The following NUP210 variants were observed in gnomAD, a reference collection of about 807,000 sequenced individuals.
NUP210 encodes the protein nuclear pore membrane glycoprotein 210.
A neutral mutation model predicts 196.0 loss-of-function variants in NUP210; 151 were observed. The ratio of observed to expected loss-of-function variants is 0.77; its 90% CI spans 0.67 to 0.88. NUP210 has a LOEUF of 0.88. Among genes scored for constraint, NUP210 ranks in the 40% least tolerant of loss-of-function variants. The pLI is 0.00. For synonymous variants in NUP210, 1,070 were observed against 1,052.7 expected, an observed-to-expected ratio of 1.02 and a Z score of -0.32; for missense variants, 2,314 against 2,493.7, an observed-to-expected ratio of 0.93 and a Z score of 1.53.
At chr3:13,331,800 T>C (rs1697006734) in intron 29 of NUP210, among the ~76,000 whole-genome samples, 1 of 152,038 alleles carries the variant, frequency 6.6e-6, no homozygotes, top group African/African-American at 2.4e-5. Context: ...GAATCAAAGG[T>C]AGGAATTAGG....
rs1411474068 is a variant in NUP210, at chr3:13,378,915, G to C, written c.1042C>G (p.Leu348Val). The C allele has an allele frequency of 8.7e-6, 14 of 1,612,474 alleles. No homozygotes were observed. The highest frequency in any genetic ancestry group is 7.6e-6 in the Non-Finnish European group (9 of 1,178,602). ...STIYVVEPGY[L>V]GFTVHPGDRW... Reference sequence around the variant, plus strand: ...GGCCCAGGAGGCCCACACTCACCTAGGTATCCAGGTTCGACCACGTAGATA... The same window carrying C: ...GGCCCAGGAGGCCCACACTCACCTACGTATCCAGGTTCGACCACGTAGATA... Residue 348 changes from leucine to valine, a missense_variant, in exon 8 of 40, where the codon CTA (leucine) becomes GTA (valine). Coordinates refer to ENST00000254508, the MANE Select transcript of NUP210 (RefSeq NM_024923.4).
At chr3:13,382,869 G>C (rs2124925953) in intron 6 of NUP210, among the ~76,000 whole-genome samples, 1 of 152,324 alleles carries the variant, frequency 6.6e-6, no homozygotes, top group Admixed American at 6.5e-5. Context: ...GCTAGGCTGA[G>C]CATGGCAACT....
chr3:13,403,743 T>C (rs1699916425), intron 1 of NUP210, among the ~76,000 whole-genome samples: 1 of 152,078 alleles, frequency 6.6e-6, no homozygotes, highest in South Asian at 2.1e-4. Context: ...CTCTCAGCAC[T>C]GACGACAGAG....
chr3:13,328,407 C>T (rs1264431378), intron 31 of NUP210, among the ~76,000 whole-genome samples: 1 of 152,252 alleles, frequency 6.6e-6, no homozygotes, highest in African/African-American at 2.4e-5. Flanking sequence ...AGGCAACACC[C>T]CTGACACCTG....
intron 3 of NUP210, among the ~76,000 whole-genome samples, chr3:13,392,256 T>A (rs1401017691): frequency 6.6e-6 from 1 of 152,180 alleles, no homozygotes; most frequent in East Asian, 1.9e-4. Context: ...AAAGACTGCA[T>A]GAAATAGTGC....
intron 3 of NUP210, among the ~76,000 whole-genome samples, chr3:13,392,597 C>T (rs531162245): frequency 2.6e-5 from 4 of 152,358 alleles, no homozygotes; most frequent in East Asian, 3.9e-4. Flanking sequence ...CTAGTCCAAC[C>T]CTTGGATGCT....
intron 1 of NUP210, among the ~76,000 whole-genome samples, chr3:13,406,735 G>A (rs1377570190): frequency 2.0e-5 from 3 of 152,138 alleles, no homozygotes; most frequent in Non-Finnish European, 4.4e-5. Context: ...CCTCTAAAAG[G>A]ACACTTGGTC....
At chr3:13,374,351 C>T (rs755322838) in intron 11 of NUP210, among the ~76,000 whole-genome samples, 40 of 152,182 alleles carry the variant, frequency 2.6e-4, no homozygotes, top group Admixed American at 7.2e-4. Context: ...CACATACATA[C>T]GTTCACACAT....
intron 3 of NUP210, among the ~76,000 whole-genome samples, chr3:13,396,759 T>TAAA (rs1353589362): frequency 2.6e-4 from 1 of 3,894 alleles, no homozygotes. Context: ...AGACTCTGTC[T>TAAA]CAAAAAAAAA....
chr3:13,317,728 C>T lies in NUP210; in HGVS notation c.5617G>A (p.Ala1873Thr), dbSNP rs770352103. 3 of 1,611,742 alleles carry T rather than the reference C, an allele frequency of 1.9e-6. No individual in the cohort carries two copies. The highest frequency in any genetic ancestry group is 1.7e-5 in the Admixed American group (1 of 59,768). The change falls in exon 40 of 40, where the codon GCC becomes ACC. Residue 1873 changes from alanine (A) to threonine (T), a missense_variant. Ala to Thr is a moderately conservative substitution (Grantham distance 58). Transcript: ENST00000254508. ...SPNALPPARK[A>T]SPPSGLWSPA... The stretch of plus-strand genomic sequence containing the variant: ...CTCCACAGCCCTGAGGGAGGGCTGG[C>T]TTTGCGAGCAGGAGGCAATGCATTG...
At chr3:13,356,730 G>A (rs1434147780) in intron 16 of NUP210, among the ~76,000 whole-genome samples, 1 of 152,222 alleles carries the variant, frequency 6.6e-6, no homozygotes, top group Non-Finnish European at 1.5e-5. Context: ...AGGAACCTGA[G>A]CACTGATGGA....
At chr3:13,319,456 A>C (rs1230974980) in intron 37 of NUP210, 131 bp from the exon 38 acceptor site, 2 of 799,548 alleles carry the variant, frequency 2.5e-6, no homozygotes, top group African/African-American at 3.4e-5. Flanking sequence ...GTGGTCTCAG[A>C]GGGCCAGGCC....
chr3:13,397,391 G>C lies in NUP210; in HGVS notation c.402C>G (p.Pro134=), dbSNP rs201917594. 31 of 1,612,082 alleles carry C rather than the reference G, an allele frequency of 1.9e-5. No individual in the cohort carries two copies. The highest frequency in any genetic ancestry group is 9.3e-5 in the African/African-American group (7 of 74,912). The part of the protein sequence containing the change: ...TTRELYLEDS[P]LELKIQALDS... ...CCAGGGCCTGGATCTTCAGCTCCAG[G>C]GGGGAGTCCTCCAGGTAGAGCTCGC... The change falls in exon 3 of 40, where the codon CCC becomes CCG. Residue 134 remains proline (P), a synonymous_variant. Transcript: ENST00000254508.
At chr3:13,382,554 GAA>G (rs891497001) in intron 6 of NUP210, among the ~76,000 whole-genome samples, 58 of 152,270 alleles carry the variant, frequency 3.8e-4, no homozygotes, top group Middle Eastern at 3.4e-3. Flanking sequence ...CCAAAAAAAA[GAA>G]GAGAGGCAGA....
intron 31 of NUP210, among the ~76,000 whole-genome samples, chr3:13,328,340 G>A (rs115727767): frequency 1.7e-3 from 254 of 152,350 alleles, no homozygotes; most frequent in East Asian, 5.4e-3. Context: ...CAGGGCCCAC[G>A]AAGGGCAGAG....
rs1187649354 is a variant in NUP210, at chr3:13,334,927, G to A, written c.3843+527C>T. ...ACAGGGCACAGTCCCCAGGCCTCTT[G>A]AGGCCACCCCCAACTTACCCTGTGA... On this transcript the variant is annotated intron_variant, in intron 28 of 39. Transcript: ENST00000254508. Among the ~76,000 whole-genome samples the A allele has an allele frequency of 3.9e-5, 6 of 152,150 alleles. No individual in the cohort carries two copies. In the South Asian group the frequency reaches 1.0e-3, roughly 26 times the overall value.
rs377131337 is a variant in NUP210 at position 13,323,421 on chromosome 3, G to A, written c.4656C>T (p.Ser1552=). Residue 1552 remains serine (S), a synonymous_variant, in exon 34 of 40, where the codon AGC becomes AGT. Coordinates refer to ENST00000254508, the MANE Select transcript of NUP210 (RefSeq NM_024923.4). The surrounding 1 kb of genome is among the most constrained non-coding windows in gnomAD (Gnocchi z 4.3). ...HLRTYKEVVV[S]VPQRIMARHL... is the part of the protein sequence containing the mutation. The stretch of plus-strand genomic sequence containing the variant: ...GACGGGCCATGATCCTCTGAGGGAC[G>A]CTGACCACCACCTAGAGAGGGAGCC... The A allele has an allele frequency of 6.2e-6, 10 of 1,613,938 alleles. No individual in the cohort carries two copies. The highest frequency in any genetic ancestry group is 5.5e-5 in the South Asian group (5 of 91,084).
chr3:13,396,950 T>C (rs1017203430), intron 3 of NUP210, among the ~76,000 whole-genome samples: 7 of 152,060 alleles, frequency 4.6e-5, no homozygotes, highest in Non-Finnish European at 1.0e-4. Flanking sequence ...AAGCCACCAC[T>C]GGCCCTAAGA....
intron 1 of NUP210, among the ~76,000 whole-genome samples, chr3:13,415,210 C>T (rs1275933842): frequency 6.6e-6 from 1 of 152,222 alleles, no homozygotes; most frequent in Non-Finnish European, 1.5e-5. Flanking sequence ...CCTGGCAACA[C>T]AGCGAGACTC....
Sources: gnomAD v4.1 joint callset for allele counts (sites outside exome capture counted in the v4.1 genomes callset) on GRCh38, gnomAD v4.1.1 for gene constraint, Gnocchi (gnomAD v3.1) non-coding constraint, MANE v1.5 for transcripts, NCBI Gene and HGNC (gene_info 2026-07-23, HGNC 2026-07-21) for gene names.